Variants in SHANK2 observed in about 807,000 individuals in gnomAD.
The protein encoded by SHANK2 is SH3 and multiple ankyrin repeat domains 2, also known as SH3 and multiple ankyrin repeat domains protein 2.
SHANK2 carries 43 observed loss-of-function variants against 133.7 expected under a neutral mutation model. That is an observed-to-expected ratio of 0.32 (90% CI 0.25 to 0.41). The LOEUF (loss-of-function observed/expected upper bound fraction) is 0.41. SHANK2 is among the 10% of genes least tolerant of loss of function. SHANK2 has a pLI of 1.00. For missense variants in SHANK2, 1,994 were observed against 2,235.8 expected (o/e 0.89, Z 2.18); for synonymous variants, 1,017 against 952.8 (o/e 1.07, Z -1.24).
intron 17 of SHANK2, among the ~76,000 whole-genome samples, chr11:70,526,061 G>A (rs1000571003): frequency 1.4e-5 from 2 of 140,750 alleles, no homozygotes; most frequent in African/African-American, 5.4e-5. Flanking sequence ...CAGAGATCCG[G>A]AGAGTAATGG....
intron 3 of SHANK2, among the ~76,000 whole-genome samples, chr11:71,126,728 T>TC (rs1555102759): frequency 3.4e-5 from 5 of 148,504 alleles, no homozygotes; most frequent in Non-Finnish European, 6.0e-5. Flanking sequence ...TAAACGACTT[T>TC]TTTTTTTTTT....
At chr11:70,755,779 C>A (rs564922371) in intron 14 of SHANK2, among the ~76,000 whole-genome samples, 1 of 152,226 alleles carries the variant, frequency 6.6e-6, no homozygotes, top group Non-Finnish European at 1.5e-5. Flanking sequence ...GGGAAGACAC[C>A]GCGCCAGCAG....
At chr11:70,571,954 G>A (rs1238585179) in intron 17 of SHANK2, among the ~76,000 whole-genome samples, 2 of 152,192 alleles carry the variant, frequency 1.3e-5, no homozygotes, top group Non-Finnish European at 2.9e-5. Flanking sequence ...TTGGGGGTGA[G>A]GCCTCTGGGA....
chr11:70,544,765 G>A (rs948156786), intron 17 of SHANK2, among the ~76,000 whole-genome samples: 4 of 152,228 alleles, frequency 2.6e-5, no homozygotes, highest in Non-Finnish European at 4.4e-5. Context: ...TCACTGCGAC[G>A]ACAGAGGCGA....
At chr11:70,653,270 G>T (rs2061359982) in intron 17 of SHANK2, among the ~76,000 whole-genome samples, 1 of 152,122 alleles carries the variant, frequency 6.6e-6, no homozygotes, top group Admixed American at 6.5e-5. Flanking sequence ...ACTGCACCCG[G>T]CCTGGACTTC....
At chr11:70,879,017 A>G (rs1466416958) in intron 11 of SHANK2, among the ~76,000 whole-genome samples, 1 of 152,074 alleles carries the variant, frequency 6.6e-6, no homozygotes, top group Admixed American at 6.6e-5. Context: ...GAGGCTACGT[A>G]TCTTCCTGAA....
In SHANK2 at chr11:70,807,951, C is replaced by G. The variant is rs782059250; in HGVS notation, c.1494-780G>C. ...GTGTGATCCCAGCCATGCGAGGGCC[C>G]GAGAGCAGTCAGATTCATGGACACA... On this transcript the variant is annotated intron_variant, in intron 12 of 25. Coordinates refer to ENST00000601538, the MANE Select transcript of SHANK2 (RefSeq NM_012309.5). This position sits in a 1 kb window ranked among gnomAD's most constrained non-coding sequence, Gnocchi z 4.8. 1.6e-4 allele frequency among the ~76,000 whole-genome samples: 24 copies of G among 152,094 alleles called. No homozygotes were observed. The highest frequency in any genetic ancestry group is 2.6e-4 in the Non-Finnish European group (18 of 68,008).
chr11:71,244,620 A>C (rs1555124762), intron 1 of SHANK2, among the ~76,000 whole-genome samples: 1 of 152,254 alleles, frequency 6.6e-6, no homozygotes, highest in Non-Finnish European at 1.5e-5. Context: ...GCAGGAGCAG[A>C]TACGGGAACC....
intron 17 of SHANK2, among the ~76,000 whole-genome samples, chr11:70,616,833 G>A (rs2060749157): frequency 6.6e-6 from 1 of 152,200 alleles, no homozygotes; most frequent in Non-Finnish European, 1.5e-5. Flanking sequence ...GAGCCTGCGG[G>A]GCGTCCCCCG....
chr11:70,599,768 G>T (rs577596623), intron 17 of SHANK2, among the ~76,000 whole-genome samples: 36 of 150,040 alleles, frequency 2.4e-4, no homozygotes, highest in Non-Finnish European at 4.1e-4. Context: ...CTCCAGCCCG[G>T]GTTACAGTGT....
intron 2 of SHANK2, among the ~76,000 whole-genome samples, chr11:71,196,814 AT>A (rs1953913751): frequency 6.6e-6 from 1 of 151,688 alleles, no homozygotes. Context: ...CCTGGCCAAC[AT>A]GGTGAAATCC....
intron 17 of SHANK2, among the ~76,000 whole-genome samples, chr11:70,607,696 A>G (rs4643100): frequency 0.62 from 93,795 of 152,170 alleles, 29,522 homozygotes; most frequent in East Asian, 0.87. Context: ...CCAACTCCCC[A>G]CACCACAGGG....
chr11:70,886,174 T>A (rs1485430601), intron 11 of SHANK2, among the ~76,000 whole-genome samples: 2 of 152,072 alleles, frequency 1.3e-5, no homozygotes, highest in Non-Finnish European at 2.9e-5. Flanking sequence ...AAGACGCAGG[T>A]CAGTCCCAAC....
chr11:70,604,705 C>T (rs2060551057), intron 17 of SHANK2: 1 of 152,298 alleles, frequency 6.6e-6, no homozygotes, highest in Non-Finnish European at 1.5e-5. Flanking sequence ...AGCATAGCGG[C>T]ATGCCGCAAG....
chr11:70,915,834 AG>A (rs1264867533), intron 10 of SHANK2, among the ~76,000 whole-genome samples: 12 of 152,222 alleles, frequency 7.9e-5, no homozygotes, highest in Admixed American at 7.2e-4. Context: ...CATGCTTTAA[AG>A]ACTTCTGGAT....
chr11:70,752,189 T>A (rs1319067995), intron 14 of SHANK2, among the ~76,000 whole-genome samples: 1 of 152,044 alleles, frequency 6.6e-6, no homozygotes, highest in Non-Finnish European at 1.5e-5. Context: ...CCTCAAGCAA[T>A]CCCTCCCCCC....
At chr11:70,866,964 T>C (rs1165518582) in intron 11 of SHANK2, among the ~76,000 whole-genome samples, 1 of 152,004 alleles carries the variant, frequency 6.6e-6, no homozygotes, top group South Asian at 2.1e-4. Flanking sequence ...ACTCCCTCGC[T>C]GTGGCTCTCA....
chr11:71,173,419 A>C (rs1234436095), intron 2 of SHANK2, among the ~76,000 whole-genome samples: 1 of 152,226 alleles, frequency 6.6e-6, no homozygotes, highest in Non-Finnish European at 1.5e-5. Flanking sequence ...GCACCACTGC[A>C]TGTGGTCCAG....
chr11:71,190,403 T>A (rs1953768487), intron 2 of SHANK2, among the ~76,000 whole-genome samples: 1 of 152,048 alleles, frequency 6.6e-6, no homozygotes, highest in Non-Finnish European at 1.5e-5. Context: ...TGAGGCTCCA[T>A]CCAGACCCTT....
Sources: gnomAD v4.1 joint callset for allele counts (sites outside exome capture counted in the v4.1 genomes callset) on GRCh38, gnomAD v4.1.1 for gene constraint, Gnocchi (gnomAD v3.1) non-coding constraint, MANE v1.5 for transcripts, NCBI Gene and HGNC (gene_info 2026-07-23, HGNC 2026-07-21) for gene names.